ITGAL: variants seen among roughly 807,000 people sequenced by gnomAD.
ITGAL encodes the protein integrin alpha-L.
In ITGAL, 68 loss-of-function variants were observed where a neutral mutation model predicts 138.4. The observed-to-expected ratio is 0.49, with a 90% CI of 0.40 to 0.60. The LOEUF is 0.60. ITGAL is among the 20% of genes least tolerant of loss of function. The pLI, the probability that ITGAL is intolerant of heterozygous loss-of-function variation, is 0.00. For missense variants in ITGAL, 1,256 were observed against 1,478.6 expected, an observed-to-expected ratio of 0.85 and a Z score of 2.47; for synonymous variants, 561 against 584.3, an observed-to-expected ratio of 0.96 and a Z score of 0.57.
intron 20 of ITGAL, among the ~76,000 whole-genome samples, chr16:30,505,717 T>TA (rs1347173278): frequency 2.0e-4 from 30 of 151,102 alleles, no homozygotes; most frequent in Admixed American, 1.3e-3. Context: ...ACCCTGTCAC[T>TA]AAAAAAAAAT....
chr16:30,516,944 G>A (rs2051174874), intron 25 of ITGAL, 29 bp from the exon 26 acceptor site: 1 of 1,511,594 alleles, frequency 6.6e-7, no homozygotes, highest in Non-Finnish European at 9.2e-7. Flanking sequence ...TGGCATTCAG[G>A]GCTCTGCATC....
chr16:30,481,690 G>A, intron 7 of ITGAL, 106 bp downstream of exon 7: 1 of 985,580 alleles, frequency 1.0e-6, no homozygotes, highest in Admixed American at 2.4e-5. Flanking sequence ...TACAGCAAGG[G>A]GCAGTTTATT....
Position 30,496,085 on chromosome 16 carries a change from G to A in ITGAL, c.1504-12G>A. On this transcript the variant is annotated splice_polypyrimidine_tract_variant and intron_variant, in intron 13 of 30. Transcript: ENST00000356798. ...GTGACTTGGGTGTGACCTGTCTCTT[G>A]CTACTTCCTAGTTGGGGTTTGAAGA... 6.2e-7 allele frequency: 1 copy of A among 1,611,846 alleles called. No individual in the cohort carries two copies. The highest frequency in any genetic ancestry group is 8.5e-7 in the Non-Finnish European group (1 of 1,178,520).
At chr16:30,478,923 A>T (rs958272387) in intron 4 of ITGAL, among the ~76,000 whole-genome samples, 168 bp from the exon 5 acceptor site, 1 of 152,012 alleles carries the variant, frequency 6.6e-6, no homozygotes, top group Non-Finnish European at 1.5e-5. Flanking sequence ...GATGGGAGGG[A>T]TGGACAGTAG....
At position 30,499,466 on chromosome 16, in the gene ITGAL, A is replaced by G. The variant is rs1167711641; in HGVS notation, c.2122A>G (p.Thr708Ala). The change falls in exon 17 of 31, where the codon ACT becomes GCT. Residue 708 changes from threonine to alanine, a missense_variant. Thr to Ala is a moderately conservative substitution (Grantham distance 58, BLOSUM62 0). Transcript: ENST00000356798. ...AGCTGTCACCACCAGCATGTCATGCACTGACTTCTCATTTCATTTCCCGGT... is the reference window on the plus strand; with the variant it reads ...AGCTGTCACCACCAGCATGTCATGCGCTGACTTCTCATTTCATTTCCCGGT... ...NIAVTTSMSC[T>A]DFSFHFPVCV... 5 of 1,613,802 alleles carry G rather than the reference A, an allele frequency of 3.1e-6. No individual in the cohort carries two copies. Among genetic ancestry groups the G allele is most frequent in the Non-Finnish European group, 4.2e-6 (5 of 1,179,986 alleles).
intron 2 of ITGAL, 35 bp downstream of exon 2, chr16:30,474,333 C>A: frequency 6.8e-7 from 1 of 1,477,322 alleles, no homozygotes; most frequent in South Asian, 1.2e-5. Context: ...CTCCTGATGC[C>A]CGCCCTGGGG....
At chr16:30,482,542 G>T (rs1189211099) in intron 7 of ITGAL, among the ~76,000 whole-genome samples, 1 of 152,090 alleles carries the variant, frequency 6.6e-6, no homozygotes, top group Non-Finnish European at 1.5e-5. Flanking sequence ...CTGTAGAGGG[G>T]GCAAGGGCGG....
intron 9 of ITGAL, among the ~76,000 whole-genome samples, chr16:30,484,607 T>C (rs1274577829): frequency 7.0e-6 from 1 of 142,674 alleles, no homozygotes. Context: ...AAGACTCCAT[T>C]TCAAAAAATA....
chr16:30,494,588 G>A lies in ITGAL; in HGVS notation c.1366-125G>A, dbSNP rs991222438. 2 of 1,251,002 alleles carry A rather than the reference G, an allele frequency of 1.6e-6. No homozygotes were observed. The highest frequency in any genetic ancestry group is 3.0e-5 in the African/African-American group (2 of 66,132). The allele number at this position is 1,251,002 out of a possible 1,614,324, so 77.5% of individuals were successfully genotyped here. Reference sequence around the variant, plus strand: ...CCTTGTCTTAACGCACATAGACTAGGGGTGGATCCAAGATTGGAACCTGCA... The same window carrying A: ...CCTTGTCTTAACGCACATAGACTAGAGGTGGATCCAAGATTGGAACCTGCA... On this transcript the variant is annotated intron_variant, in intron 12 of 30. Transcript: ENST00000356798. The surrounding 1 kb of genome is among the most constrained non-coding windows in gnomAD (Gnocchi z 4.2).
intron 9 of ITGAL, among the ~76,000 whole-genome samples, chr16:30,484,931 C>T (rs1323015900): frequency 6.6e-6 from 1 of 150,800 alleles, no homozygotes; most frequent in Non-Finnish European, 1.5e-5. Flanking sequence ...CAAAACAAAA[C>T]AAAACAAAAA....
At chr16:30,521,085 AAAAAT>A (rs1413902137) in intron 30 of ITGAL, among the ~76,000 whole-genome samples, 1 of 151,904 alleles carries the variant, frequency 6.6e-6, no homozygotes, top group Admixed American at 6.6e-5. Flanking sequence ...ACTCCATCTC[AAAAAT>A]AAAATAAAAT....
At chr16:30,516,828 C>A in intron 25 of ITGAL, 145 bp from the exon 26 acceptor site, 1 of 693,424 alleles carries the variant, frequency 1.4e-6, no homozygotes. Flanking sequence ...TGGCCATGCC[C>A]AGTCACTGGA....
intron 21 of ITGAL, 139 bp downstream of exon 21, chr16:30,506,995 C>T (rs2051011168): frequency 1.1e-6 from 1 of 898,730 alleles, no homozygotes; most frequent in Non-Finnish European, 1.7e-6. Flanking sequence ...TATCTGGGTT[C>T]CCAGCCTCGA....
intron 17 of ITGAL, 188 bp downstream of exon 17, chr16:30,499,677 G>GTATATATATGTATATTTTTGTGTATA: frequency 1.3e-5 from 1 of 78,216 alleles, no homozygotes. Context: ...ATATATATGT[G>GTATATATATGTATATTTTTGTGTATA]TATATATATG....
At chr16:30,495,420 A>G (rs2050785556) in intron 13 of ITGAL, among the ~76,000 whole-genome samples, 1 of 152,168 alleles carries the variant, frequency 6.6e-6, no homozygotes, top group South Asian at 2.1e-4. Flanking sequence ...CGGCCTCCCA[A>G]AATGCTGGGA....
chr16:30,474,106 C>A, intron 1 of ITGAL, 90 bp from the exon 2 acceptor site: 1 of 951,084 alleles, frequency 1.1e-6, no homozygotes, highest in Non-Finnish European at 1.6e-6. Context: ...TGGGGAGCGA[C>A]ATCCGGGTGG....
At chr16:30,478,106 G>A (rs1381422482) in intron 4 of ITGAL, among the ~76,000 whole-genome samples, 7 of 151,940 alleles carry the variant, frequency 4.6e-5, no homozygotes, top group Non-Finnish European at 1.0e-4. Flanking sequence ...GGAGGCCGAG[G>A]TGGGCAGACA....
intron 13 of ITGAL, among the ~76,000 whole-genome samples, chr16:30,495,296 A>G (rs1278534766): frequency 6.6e-6 from 1 of 152,092 alleles, no homozygotes; most frequent in Non-Finnish European, 1.5e-5. Context: ...AAGTGTTCGG[A>G]TTACAGGTGC....
chr16:30,507,353 G>C (rs1003793707), intron 21 of ITGAL, among the ~76,000 whole-genome samples: 1 of 151,918 alleles, frequency 6.6e-6, no homozygotes, highest in Admixed American at 6.6e-5. Context: ...CAGCTACTCG[G>C]GAGGCTGAGG....
Sources: allele counts gnomAD v4.1 joint callset (sites outside exome capture counted in the v4.1 genomes callset), GRCh38; gene constraint gnomAD v4.1.1; non-coding constraint Gnocchi (gnomAD v3.1); transcripts MANE v1.5; gene names NCBI Gene and HGNC (gene_info 2026-07-23, HGNC 2026-07-21).